Variants in NRCAM observed in about 807,000 individuals in gnomAD.
NRCAM encodes neuronal cell adhesion molecule, also known as NgCAM-related cell adhesion molecule.
A neutral mutation model predicts 156.5 loss-of-function variants in NRCAM; 83 were observed. The ratio of observed to expected loss-of-function variants is 0.53; its 90% CI spans 0.44 to 0.64. NRCAM has a LOEUF of 0.64. Among genes scored for constraint, NRCAM ranks in the 30% least tolerant of loss-of-function variants. The probability of loss-of-function intolerance (pLI) is 0.00; values close to 1 mark genes in which losing one functional copy is unlikely to be tolerated. For missense variants in NRCAM, 1,417 were observed against 1,597.3 expected, an observed-to-expected ratio of 0.89 and a Z score of 1.92; for synonymous variants, 538 against 563.9, an observed-to-expected ratio of 0.95 and a Z score of 0.65.
intron 20 of NRCAM, 148 bp downstream of exon 20, chr7:108,189,497 A>G: frequency 1.7e-5 from 10 of 587,046 alleles, no homozygotes; most frequent in Non-Finnish European, 2.7e-5. Context: ...TGAAGAGAGG[A>G]AGGACATAAA....
At chr7:108,251,680 T>C (rs1491003803) in intron 3 of NRCAM, among the ~76,000 whole-genome samples, 1 of 152,180 alleles carries the variant, frequency 6.6e-6, no homozygotes, top group African/African-American at 2.4e-5. Context: ...CATGGTGCTG[T>C]CTCAACCAAG....
chr7:108,154,213 TAGAC>T (rs1328953126), intron 32 of NRCAM, among the ~76,000 whole-genome samples: 18 of 152,304 alleles, frequency 1.2e-4, no homozygotes, highest in African/African-American at 4.1e-4. Context: ...GGTGCAGAGA[TAGAC>T]AGATTGACCA....
chr7:108,350,686 A>G (rs1016994229), intron 2 of NRCAM, among the ~76,000 whole-genome samples: 1 of 140,794 alleles, frequency 7.1e-6, no homozygotes, highest in African/African-American at 2.5e-5. Flanking sequence ...ACTTGCACTC[A>G]AATGCTCATC....
intron 2 of NRCAM, among the ~76,000 whole-genome samples, chr7:108,368,512 C>T (rs2099608002): frequency 6.6e-6 from 1 of 151,942 alleles, no homozygotes; most frequent in Non-Finnish European, 1.5e-5. Context: ...TTTAAGCATC[C>T]CTCTACAGAT....
At chr7:108,256,640 C>T (rs2096676923) in intron 3 of NRCAM, among the ~76,000 whole-genome samples, 1 of 151,936 alleles carries the variant, frequency 6.6e-6, no homozygotes, top group African/African-American at 2.4e-5. Flanking sequence ...AAACAAACAA[C>T]AACAAAAAAA....
At chr7:108,387,467 C>T (rs2099744329) in intron 2 of NRCAM, among the ~76,000 whole-genome samples, 1 of 152,056 alleles carries the variant, frequency 6.6e-6, no homozygotes. Flanking sequence ...ATGAACGTTT[C>T]CTATGTTCCA....
intron 13 of NRCAM, among the ~76,000 whole-genome samples, chr7:108,202,273 C>T (rs2078595174): frequency 1.3e-5 from 2 of 152,140 alleles, no homozygotes; most frequent in South Asian, 2.1e-4. Context: ...AAAATATAAA[C>T]ACTTTCAACA....
At chr7:108,189,611 G>C (rs573790902) in intron 20 of NRCAM, 34 bp downstream of exon 20, 1 of 873,062 alleles carries the variant, frequency 1.1e-6, no homozygotes, top group South Asian at 1.4e-5. Context: ...TGGCCATTTA[G>C]TTGATCGGAA....
intron 2 of NRCAM, among the ~76,000 whole-genome samples, chr7:108,380,648 C>T (rs1031776727): frequency 1.3e-5 from 2 of 152,084 alleles, no homozygotes; most frequent in African/African-American, 2.4e-5. Context: ...CTGCTTCTTG[C>T]TCTTGGGGTC....
At chr7:108,427,444 C>A (rs1463096985) in intron 1 of NRCAM, among the ~76,000 whole-genome samples, 2 of 152,076 alleles carry the variant, frequency 1.3e-5, no homozygotes, top group African/African-American at 4.8e-5. Flanking sequence ...AGTTATTGTT[C>A]GGCCCAATAT....
intron 6 of NRCAM, 42 bp downstream of exon 6, chr7:108,234,541 G>A: frequency 8.5e-7 from 1 of 1,181,352 alleles, no homozygotes. Context: ...GAGATTTCCT[G>A]ATTTATTCTC....
intron 1 of NRCAM, among the ~76,000 whole-genome samples, chr7:108,400,491 A>T (rs1230863092): frequency 6.6e-6 from 1 of 152,192 alleles, no homozygotes; most frequent in Non-Finnish European, 1.5e-5. Flanking sequence ...CATCCAGACC[A>T]AATAAATCCC....
At chr7:108,280,438 G>C (rs1161512675) in intron 3 of NRCAM, among the ~76,000 whole-genome samples, 1 of 152,248 alleles carries the variant, frequency 6.6e-6, no homozygotes, top group Admixed American at 6.5e-5. Flanking sequence ...GTCAGCCCAT[G>C]CTATTCAATT....
intron 2 of NRCAM, among the ~76,000 whole-genome samples, chr7:108,320,275 G>C (rs1258289708): frequency 6.6e-6 from 1 of 151,980 alleles, no homozygotes; most frequent in Non-Finnish European, 1.5e-5. Flanking sequence ...AACACAGGGA[G>C]ACCCTGTCTC....
intron 3 of NRCAM, among the ~76,000 whole-genome samples, chr7:108,261,112 T>C (rs1392143809): frequency 1.3e-5 from 2 of 152,150 alleles, no homozygotes; most frequent in Non-Finnish European, 2.9e-5. Context: ...CACTTTATAA[T>C]TTTGTCTGGG....
intron 6 of NRCAM, among the ~76,000 whole-genome samples, chr7:108,232,779 A>T (rs1328360339): frequency 6.6e-6 from 1 of 152,096 alleles, no homozygotes; most frequent in African/African-American, 2.4e-5. Context: ...ATGCACACAA[A>T]TTGCCTGTCA....
intron 3 of NRCAM, among the ~76,000 whole-genome samples, chr7:108,282,956 G>A (rs2097914338): frequency 6.6e-6 from 1 of 152,200 alleles, no homozygotes; most frequent in South Asian, 2.1e-4. Context: ...GGTGGGACCT[G>A]GGCACCAGGA....
At chr7:108,266,890 G>T (rs1378792840) in intron 3 of NRCAM, among the ~76,000 whole-genome samples, 1 of 140,032 alleles carries the variant, frequency 7.1e-6, no homozygotes, top group Non-Finnish European at 1.5e-5. Flanking sequence ...AGAAGAAAGA[G>T]TCTAAGATTT....
At chr7:108,416,251 T>C (rs1241845023) in intron 1 of NRCAM, among the ~76,000 whole-genome samples, 1 of 152,192 alleles carries the variant, frequency 6.6e-6, no homozygotes, top group African/African-American at 2.4e-5. Flanking sequence ...AGGAGTAGGA[T>C]AGAGACAGCA....
Sources: allele counts gnomAD v4.1 joint callset (sites outside exome capture counted in the v4.1 genomes callset), GRCh38; gene constraint gnomAD v4.1.1; transcripts MANE v1.5; gene names NCBI Gene and HGNC (gene_info 2026-07-23, HGNC 2026-07-21).